MIPEP: variants seen among roughly 807,000 people sequenced by gnomAD.
MIPEP encodes the protein mitochondrial intermediate peptidase.
MIPEP carries 79 observed loss-of-function variants against 90.3 expected under a neutral mutation model. The ratio of observed to expected loss-of-function variants is 0.87; its 90% confidence interval spans 0.73 to 1.05. The LOEUF (loss-of-function observed/expected upper bound fraction) is 1.05, where lower values mean the gene tolerates loss of function less well. MIPEP is among the 50% of genes least tolerant of loss of function. The probability of loss-of-function intolerance (pLI) is 0.00; values close to 1 mark genes in which losing one functional copy is unlikely to be tolerated. For missense variants in MIPEP, 940 were observed against 905.6 expected (o/e 1.04, Z -0.49); for synonymous variants, 334 against 315.8 (o/e 1.06, Z -0.61).
chr13:23,848,964 G>T (rs139645487), intron 10 of MIPEP, among the ~76,000 whole-genome samples: 195 of 152,288 alleles, frequency 1.3e-3, no homozygotes, highest in African/African-American at 4.5e-3. Flanking sequence ...GGGCCCCAAG[G>T]AGCAGTCCCA....
chr13:23,859,498 T>C (rs1870196530), intron 9 of MIPEP, among the ~76,000 whole-genome samples: 1 of 152,202 alleles, frequency 6.6e-6, no homozygotes, highest in South Asian at 2.1e-4. Context: ...TGAATGACTG[T>C]CCTTCCTTCT....
intron 14 of MIPEP, among the ~76,000 whole-genome samples, chr13:23,813,010 A>C (rs1399938327): frequency 6.6e-6 from 1 of 152,212 alleles, no homozygotes; most frequent in African/African-American, 2.4e-5. Context: ...TCTTTTTAAA[A>C]AAACTAGTTT....
intron 16 of MIPEP, among the ~76,000 whole-genome samples, chr13:23,804,747 G>C (rs1174029244): frequency 2.0e-5 from 3 of 152,206 alleles, no homozygotes; most frequent in Admixed American, 6.5e-5. Flanking sequence ...AGGACCTGAA[G>C]ATTTAGTGGA....
At chr13:23,839,838 A>G in intron 11 of MIPEP, 112 bp from the exon 12 acceptor site, 1 of 637,880 alleles carries the variant, frequency 1.6e-6, no homozygotes, top group Admixed American at 2.9e-5. Flanking sequence ...AGACATTTTA[A>G]TTACATTCTA....
chr13:23,889,197 G>C lies in MIPEP; in HGVS notation c.124C>G (p.Pro42Ala). Residue 42 changes from proline (P) to alanine (A), a missense_variant, in exon 1 of 19, where the codon CCC (proline) becomes GCC (alanine). Coordinates refer to ENST00000382172, the MANE Select transcript of MIPEP (RefSeq NM_005932.4). Reference protein sequence around the residue: ...RARRVSTSWSPVGAAFNVKPQ... With the variant: ...RARRVSTSWSAVGAAFNVKPQ... ...TTGACATTGAAGGCGGCGCCCACGG[G>C]AGACCAGCTGGTGCTGACCCTTCGG... is the stretch of plus-strand genomic sequence containing the variant. 1 of 1,465,824 alleles carries C rather than the reference G, an allele frequency of 6.8e-7. No homozygotes were observed. Among genetic ancestry groups the C allele is most frequent in the Non-Finnish European group, 9.0e-7 (1 of 1,110,530 alleles). The allele number at this position is 1,465,824 out of a possible 1,614,324, so 90.8% of individuals were successfully genotyped here.
intron 5 of MIPEP, 99 bp downstream of exon 5, chr13:23,874,747 A>ATT (rs1419947760): frequency 2.0e-6 from 2 of 978,414 alleles, no homozygotes; most frequent in Non-Finnish European, 3.0e-6. Flanking sequence ...TTTTTGCAAT[A>ATT]TGCAAATTCA....
rs1264603652 is a variant in MIPEP at position 23,815,868 on chromosome 13, TCAA to T, written c.1654-5947_1654-5945del. Among the ~76,000 whole-genome samples, 225 of 152,352 alleles carry T rather than the reference TCAA, an allele frequency of 1.5e-3. No homozygotes were observed. The Middle Eastern group carries it at 0.024, about 16-fold the overall frequency. On this transcript the variant is annotated intron_variant, in intron 14 of 18. Transcript: ENST00000382172. ...TCTCCACCTTAAGTAGAACTGGTTATCAAACAATGAGTCAGTTTTTCATCTGCG... is the reference window on the plus strand; with the variant it reads ...TCTCCACCTTAAGTAGAACTGGTTATACAATGAGTCAGTTTTTCATCTGCG...
chr13:23,841,610 AAG>A (rs1869302853), intron 10 of MIPEP, 122 bp from the exon 11 acceptor site: 3 of 1,072,416 alleles, frequency 2.8e-6, no homozygotes, highest in Non-Finnish European at 4.0e-6. Flanking sequence ...CAAAACATAA[AAG>A]TGTATTTATA....
chr13:23,880,957 A>G (rs1259872885), intron 3 of MIPEP, among the ~76,000 whole-genome samples: 2 of 152,186 alleles, frequency 1.3e-5, no homozygotes, highest in African/African-American at 4.8e-5. Flanking sequence ...GGCTCTCCCT[A>G]GCTCTATACA....
chr13:23,824,838 T>TA (rs1953347409), intron 14 of MIPEP, among the ~76,000 whole-genome samples: 1 of 152,318 alleles, frequency 6.6e-6, no homozygotes, highest in Middle Eastern at 3.4e-3. Context: ...ATCTAAGATT[T>TA]AAAAACCCTT....
chr13:23,828,489 C>G (rs1475878611), intron 14 of MIPEP, among the ~76,000 whole-genome samples: 1 of 152,150 alleles, frequency 6.6e-6, no homozygotes, highest in African/African-American at 2.4e-5. Context: ...CTGCTGTAAA[C>G]AAGAGCACTA....
At chr13:23,885,253 A>C (rs1261718431) in intron 2 of MIPEP, among the ~76,000 whole-genome samples, 2 of 152,184 alleles carry the variant, frequency 1.3e-5, no homozygotes, top group East Asian at 3.8e-4. Flanking sequence ...ATACAACTGA[A>C]TCATGGAAAT....
rs530606201 is a variant in MIPEP, at chr13:23,779,215, A to C, written c.1849-18998T>G. 1.2e-3 allele frequency among the ~76,000 whole-genome samples: 181 copies of C among 152,358 alleles called. No individual in the cohort carries two copies. In the Middle Eastern group the frequency reaches 0.014, roughly 11 times the overall value. Reference sequence around the variant, plus strand: ...ATCAGCTGAGGACAAACAGAAACGTACAGCTATTGGAAAGCAGCAGCAAAA... The same window carrying C: ...ATCAGCTGAGGACAAACAGAAACGTCCAGCTATTGGAAAGCAGCAGCAAAA... On this transcript the variant is annotated intron_variant, in intron 16 of 18. Transcript: ENST00000382172.
Position 23,822,693 on chromosome 13 carries a change from G to A in MIPEP, c.1654-12769C>T, listed in dbSNP as rs866903597. On this transcript the variant is annotated intron_variant, in intron 14 of 18. Transcript: ENST00000382172. ...CTCATTTATTCTATTGTTTGTTAATGCCAGAACACATTTACAGCCAGAAAG... is the reference window on the plus strand; with the variant it reads ...CTCATTTATTCTATTGTTTGTTAATACCAGAACACATTTACAGCCAGAAAG... Among the ~76,000 whole-genome samples the A allele has an allele frequency of 2.0e-5, 3 of 152,048 alleles. No homozygotes were observed. In the South Asian group the frequency reaches 6.2e-4, roughly 31 times the overall value.
Position 23,839,681 on chromosome 13 carries a change from C to A in MIPEP, c.1306G>T (p.Asp436Tyr). ...GGTTTGTCTGCTCGCTGAAAAAAAT[C>A]ACAGTAAATGTACCCCAACAATCCT... is the stretch of plus-strand genomic sequence containing the variant. ...SEGLLGYIYCDFFQRADKPHQ... is the reference protein window; with the variant it reads ...SEGLLGYIYCYFFQRADKPHQ... The change falls in exon 12 of 19, where the codon GAT becomes TAT. Residue 436 changes from aspartate (D) to tyrosine (Y), a missense_variant. Physicochemically the swap from Asp to Tyr is radical, Grantham distance 160 (BLOSUM62 -3). Transcript: ENST00000382172. 6.2e-7 allele frequency: 1 copy of A among 1,612,864 alleles called. No individual in the cohort carries two copies. Among genetic ancestry groups the A allele is most frequent in the East Asian group, 2.2e-5 (1 of 44,820 alleles).
chr13:23,845,260 T>C (rs1354221355), intron 10 of MIPEP, among the ~76,000 whole-genome samples: 1 of 152,202 alleles, frequency 6.6e-6, no homozygotes, highest in African/African-American at 2.4e-5. Flanking sequence ...ATGGGTGTAG[T>C]CATCCACAGC....
At position 23,805,980 on chromosome 13, in the gene MIPEP, T is replaced by C; in HGVS notation, c.1818A>G (p.Lys606=). ...TTDILKETQE[K]FYGLPYVPNT... ...TTGGAACATATGGTAGGCCATAGAA[T>C]TTCTCTTGTGTTTCCTTGAGAATGT... Residue 606 remains lysine (K), a synonymous_variant, in exon 16 of 19, where the codon AAA becomes AAG. Transcript: ENST00000382172. The C allele has an allele frequency of 6.2e-7, 1 of 1,614,068 alleles. No homozygotes were observed. Among genetic ancestry groups the C allele is most frequent in the South Asian group, 1.1e-5 (1 of 91,066 alleles).
intron 16 of MIPEP, among the ~76,000 whole-genome samples, chr13:23,770,481 C>A (rs552640926): frequency 6.6e-6 from 1 of 152,164 alleles, no homozygotes; most frequent in East Asian, 1.9e-4. Flanking sequence ...TTGGAACAAC[C>A]GGTTTCACTG....
At chr13:23,814,166 C>T (rs1953208793) in intron 14 of MIPEP, among the ~76,000 whole-genome samples, 1 of 152,214 alleles carries the variant, frequency 6.6e-6, no homozygotes, top group Admixed American at 6.5e-5. Flanking sequence ...GCAGAAAATA[C>T]TCCCTTTCAC....
Sources: gnomAD v4.1 joint callset for allele counts (sites outside exome capture counted in the v4.1 genomes callset) on GRCh38, gnomAD v4.1.1 for gene constraint, MANE v1.5 for transcripts, NCBI Gene and HGNC (gene_info 2026-07-23, HGNC 2026-07-21) for gene names.